NECAB2: variants seen among roughly 807,000 people sequenced by gnomAD.
The protein encoded by NECAB2 is N-terminal EF-hand calcium binding protein 2, also known as N-terminal EF-hand calcium-binding protein 2.
A neutral mutation model predicts 51.9 loss-of-function variants in NECAB2; 68 were observed. The ratio of observed to expected loss-of-function variants is 1.31; its 90% CI spans 1.08 to 1.60. The LOEUF is 1.60. Ranked by LOEUF, NECAB2 falls within the 40% of genes most tolerant of loss-of-function variation. The pLI, the probability that NECAB2 is intolerant of heterozygous loss-of-function variation, is 0.00. For synonymous variants in NECAB2, 329 were observed against 203.5 expected (o/e 1.62, Z -5.25); for missense variants, 854 against 490.3 (o/e 1.74, Z -7.00).
upstream of NECAB2, chr16:83,965,606 C>T (rs148300856): frequency 6.9e-5 from 112 of 1,613,010 alleles, no homozygotes; most frequent in African/African-American, 4.3e-4. Context: ...CCAGATGATG[C>T]GGGAGCAGTC....
chr16:83,985,750 A>G (rs958563105), intron 5 of NECAB2, among the ~76,000 whole-genome samples: 33 of 152,116 alleles, frequency 2.2e-4, no homozygotes, highest in African/African-American at 7.7e-4. Context: ...TTTTCAGTTC[A>G]TTGTATTAAG....
At chr16:83,984,316 C>T (rs1018454803) in intron 5 of NECAB2, among the ~76,000 whole-genome samples, 6 of 151,708 alleles carry the variant, frequency 4.0e-5, no homozygotes, top group Admixed American at 1.3e-4. Flanking sequence ...AACAAAACTG[C>T]CCTGGGCATA....
intron 10 of NECAB2, among the ~76,000 whole-genome samples, chr16:83,998,692 CTGCACACT>C (rs1190946606): frequency 1.3e-5 from 2 of 152,196 alleles, no homozygotes; most frequent in Admixed American, 6.5e-5. Context: ...ACAGGGGTTC[CTGCACACT>C]TAAGTCCAGG....
chr16:83,975,375 G>GA (rs2084397515), intron 2 of NECAB2, among the ~76,000 whole-genome samples: 1 of 152,014 alleles, frequency 6.6e-6, no homozygotes, highest in East Asian at 1.9e-4. Context: ...GGTGTGCAGG[G>GA]GGTGCAGATG....
At chr16:84,001,787 C>G (rs774118852) in intron 11 of NECAB2, 38 bp from the exon 12 acceptor site, 1 of 1,609,234 alleles carries the variant, frequency 6.2e-7, no homozygotes, top group South Asian at 1.1e-5. Flanking sequence ...GAGCTCCACT[C>G]CTGCCACCCC....
At chr16:83,985,240 G>T (rs888883250) in intron 5 of NECAB2, among the ~76,000 whole-genome samples, 1 of 146,500 alleles carries the variant, frequency 6.8e-6, no homozygotes, top group African/African-American at 2.6e-5. Flanking sequence ...TTGAACCCGG[G>T]AGGTGGAGGT....
At chr16:83,972,282 T>G in intron 2 of NECAB2, 107 bp downstream of exon 2, 1 of 1,511,806 alleles carries the variant, frequency 6.6e-7, no homozygotes, top group Non-Finnish European at 9.1e-7. Context: ...CCTAAAGGTT[T>G]GGAGTGCAGG....
intron 11 of NECAB2, among the ~76,000 whole-genome samples, chr16:84,001,567 A>AG (rs2084836652): frequency 6.6e-6 from 1 of 151,964 alleles, no homozygotes; most frequent in Admixed American, 6.6e-5. Context: ...GTAAAGGGGG[A>AG]GGTAGAGGCT....
chr16:83,972,215 C>A (rs377024517), intron 2 of NECAB2, 40 bp downstream of exon 2: 71 of 1,612,908 alleles, frequency 4.4e-5, no homozygotes, highest in Non-Finnish European at 5.8e-5. Flanking sequence ...CCCACTCCTT[C>A]TGTCCTCGTG....
At chr16:83,991,009 A>G (rs1452879838) in intron 6 of NECAB2, among the ~76,000 whole-genome samples, 1 of 152,066 alleles carries the variant, frequency 6.6e-6, no homozygotes, top group Non-Finnish European at 1.5e-5. Context: ...TTTTAGACAA[A>G]AAGTGTCGCT....
At position 84,000,768 on chromosome 16, in the gene NECAB2, A is replaced by ATGAGT; in HGVS notation, c.1009_1013dup (p.Phe338LeufsTer30). On this transcript the variant is annotated frameshift_variant, in exon 11 of 13. Transcript: ENST00000305202. LOFTEE classifies it high-confidence loss of function. ...TCAGATGGCTTCACCTTTGTCATCT[A>ATGAGT]TGAGTTCTGGGAGACAGAGGAGGCG... The ATGAGT allele has an allele frequency of 6.2e-7, 1 of 1,613,824 alleles. No individual in the cohort carries two copies. The highest frequency in any genetic ancestry group is 8.5e-7 in the Non-Finnish European group (1 of 1,179,986).
At chr16:83,987,838 A>G (rs1488825815) in intron 5 of NECAB2, among the ~76,000 whole-genome samples, 1 of 152,224 alleles carries the variant, frequency 6.6e-6, no homozygotes, top group Non-Finnish European at 1.5e-5. Context: ...GAATCTGAGC[A>G]GTTTATGGCA....
chr16:83,983,094 C>T (rs187657218), intron 5 of NECAB2, among the ~76,000 whole-genome samples: 44 of 152,196 alleles, frequency 2.9e-4, no homozygotes, highest in Non-Finnish European at 5.9e-4. Context: ...GTCTCAAAGT[C>T]CTGACTTGAG....
chr16:83,981,187 T>C, intron 5 of NECAB2, 60 bp downstream of exon 5: 1 of 1,474,696 alleles, frequency 6.8e-7, no homozygotes, highest in Non-Finnish European at 9.5e-7. Context: ...AGTTCCACCC[T>C]TGCCTAAGGA....
chr16:83,975,386 T>G (rs1035618754), intron 2 of NECAB2, among the ~76,000 whole-genome samples: 3 of 151,884 alleles, frequency 2.0e-5, no homozygotes, highest in Admixed American at 2.0e-4. Context: ...GGTGCAGATG[T>G]GGAGGCCGAT....
At chr16:83,998,695 C>T (rs540107953) in intron 10 of NECAB2, among the ~76,000 whole-genome samples, 3 of 152,330 alleles carry the variant, frequency 2.0e-5, no homozygotes, top group South Asian at 4.1e-4. Flanking sequence ...GGGGTTCCTG[C>T]ACACTTAAGT....
At chr16:83,989,889 G>A (rs1340069495) in intron 5 of NECAB2, among the ~76,000 whole-genome samples, 1 of 152,076 alleles carries the variant, frequency 6.6e-6, no homozygotes, top group Non-Finnish European at 1.5e-5. Flanking sequence ...CTCCTCTCTG[G>A]CCACCTCCTT....
At chr16:83,980,907 AT>A (rs2084478958) in intron 4 of NECAB2, 43 bp downstream of exon 4, 14 of 1,613,048 alleles carry the variant, frequency 8.7e-6, no homozygotes, top group Non-Finnish European at 1.1e-5. Context: ...GGATGCTGGG[AT>A]GGGGCTGGAT....
chr16:83,993,050 C>T (rs1221162804), intron 6 of NECAB2, among the ~76,000 whole-genome samples: 1 of 152,202 alleles, frequency 6.6e-6, no homozygotes, highest in African/African-American at 2.4e-5. Context: ...GGGATGTTGT[C>T]AGACGGGGCA....
Sources: gnomAD v4.1 joint callset for allele counts (sites outside exome capture counted in the v4.1 genomes callset) on GRCh38, gnomAD v4.1.1 for gene constraint, MANE v1.5 for transcripts, NCBI Gene and HGNC (gene_info 2026-07-23, HGNC 2026-07-21) for gene names.